The following MCTP2 variants were observed in gnomAD, a reference collection of about 807,000 sequenced individuals.
MCTP2 encodes multiple C2 and transmembrane domain-containing protein 2.
In MCTP2, 132 loss-of-function variants were observed where a neutral mutation model predicts 111.6. The ratio of observed to expected loss-of-function variants is 1.18; its 90% CI spans 1.03 to 1.37. MCTP2 has a LOEUF of 1.37. Among genes scored for constraint, MCTP2 ranks in the 40% most tolerant of loss-of-function variants. MCTP2 has a pLI of 0.00. For missense variants in MCTP2, 1,183 were observed against 1,067.9 expected (o/e 1.11, Z -1.50); for synonymous variants, 395 against 387.7 (o/e 1.02, Z -0.22).
At chr15:94,402,989 T>TG (rs1254708483) in intron 17 of MCTP2, 9 of 995,158 alleles carry the variant, frequency 9.0e-6, no homozygotes, top group East Asian at 2.1e-4. Context: ...ATATAAAAAA[T>TG]GGGGGAAAAA....
At chr15:94,318,875 C>G (rs1350113625) in intron 4 of MCTP2, among the ~76,000 whole-genome samples, 1 of 152,218 alleles carries the variant, frequency 6.6e-6, no homozygotes, top group African/African-American at 2.4e-5. Flanking sequence ...TGTCATCTCT[C>G]TCTGCAGAGT....
At chr15:94,392,693 G>A (rs2081056030) in intron 14 of MCTP2, among the ~76,000 whole-genome samples, 1 of 151,936 alleles carries the variant, frequency 6.6e-6, no homozygotes, top group African/African-American at 2.4e-5. Flanking sequence ...GCATGCGCCT[G>A]TAATCCCAGC....
intron 4 of MCTP2, among the ~76,000 whole-genome samples, chr15:94,336,721 G>C (rs952567261): frequency 6.9e-6 from 1 of 144,186 alleles, no homozygotes; most frequent in Non-Finnish European, 1.5e-5. Context: ...ATATGTATGT[G>C]TATATTTATG....
At chr15:94,465,738 TAATAGTAG>T (rs2073221963) in intron 20 of MCTP2, among the ~76,000 whole-genome samples, 1 of 152,206 alleles carries the variant, frequency 6.6e-6, no homozygotes, top group Non-Finnish European at 1.5e-5. Context: ...TGTAATTTAT[TAATAGTAG>T]TGTTTACTTG....
At chr15:94,392,615 C>G (rs1325542250) in intron 14 of MCTP2, among the ~76,000 whole-genome samples, 3 of 151,980 alleles carry the variant, frequency 2.0e-5, no homozygotes. Flanking sequence ...GAGTTCGAGA[C>G]CAGCCTGACC....
Position 94,424,520 on chromosome 15 carries a change from G to A in MCTP2, c.2086-15656G>A, listed in dbSNP as rs911530261. ...TCTGGGGATGGGACTTAGCAATCTTGTTTAAATAACGCCTCCAGGTGCTTC... is the reference window on the plus strand; with the variant it reads ...TCTGGGGATGGGACTTAGCAATCTTATTTAAATAACGCCTCCAGGTGCTTC... On this transcript the variant is annotated intron_variant, in intron 17 of 22. Transcript: ENST00000357742. Among the ~76,000 whole-genome samples, 3 of 152,114 alleles carry A rather than the reference G, an allele frequency of 2.0e-5. No individual in the cohort carries two copies. The South Asian group carries it at 6.2e-4, about 32-fold the overall frequency.
At chr15:94,243,611 A>ATATACATATATGCGTATGTGTATGTG (rs1491580099) in intron 1 of MCTP2, among the ~76,000 whole-genome samples, 3 of 149,744 alleles carry the variant, frequency 2.0e-5, no homozygotes, top group African/African-American at 7.4e-5. Context: ...GTATACACGC[A>ATATACATATATGCGTATGTGTATGTG]TATGTGTATA....
At position 94,345,174 on chromosome 15, in the gene MCTP2, CT is replaced by C. The variant is rs750309440; in HGVS notation, c.1005+18del. On this transcript the variant is annotated intron_variant, in intron 8 of 22. Transcript: ENST00000357742. Reference sequence around the variant, plus strand: ...ATTAAGTGCCAGCAAGGTAAATATACTTTTTTTTCCTTTAGATCATTTGGTT... The same window carrying C: ...ATTAAGTGCCAGCAAGGTAAATATACTTTTTTTCCTTTAGATCATTTGGTT... 343 of 1,608,456 alleles carry C rather than the reference CT, an allele frequency of 2.1e-4. No homozygotes were observed. Among genetic ancestry groups the C allele is most frequent in the South Asian group, 5.9e-4 (53 of 90,408 alleles).
intron 8 of MCTP2, among the ~76,000 whole-genome samples, chr15:94,351,807 A>G (rs2078319010): frequency 6.6e-6 from 1 of 152,140 alleles, no homozygotes; most frequent in African/African-American, 2.4e-5. Context: ...CTGGAGTGCC[A>G]CCTAGTTGAA....
chr15:94,372,813 A>T (rs1018355163), intron 12 of MCTP2, among the ~76,000 whole-genome samples: 1 of 152,182 alleles, frequency 6.6e-6, no homozygotes, highest in Non-Finnish European at 1.5e-5. Context: ...AACCAGGGAC[A>T]TTCTCTAAAG....
chr15:94,383,911 T>A, intron 12 of MCTP2, 111 bp from the exon 13 acceptor site: 1 of 751,824 alleles, frequency 1.3e-6, no homozygotes, highest in Admixed American at 2.2e-5. Flanking sequence ...GGAAAAGCAG[T>A]CTTGCCTTCC....
intron 12 of MCTP2, among the ~76,000 whole-genome samples, chr15:94,383,675 C>T (rs2080284219): frequency 6.6e-6 from 1 of 152,208 alleles, no homozygotes; most frequent in South Asian, 2.1e-4. Flanking sequence ...ACCATGAGAA[C>T]AGTATGGGGG....
chr15:94,376,166 G>A (rs1029033224), intron 12 of MCTP2, among the ~76,000 whole-genome samples: 1 of 152,180 alleles, frequency 6.6e-6, no homozygotes, highest in Non-Finnish European at 1.5e-5. Context: ...CCAGTTCACT[G>A]GTTCCTTGGC....
intron 19 of MCTP2, among the ~76,000 whole-genome samples, chr15:94,451,074 T>C (rs1319214626): frequency 6.6e-6 from 1 of 152,222 alleles, no homozygotes; most frequent in Admixed American, 6.5e-5. Context: ...TTTTTTTCTT[T>C]TTTAAAAAAG....
At chr15:94,442,768 C>T in intron 18 of MCTP2, 151 bp from the exon 19 acceptor site, 1 of 642,598 alleles carries the variant, frequency 1.6e-6, no homozygotes, top group Non-Finnish European at 2.8e-6. Flanking sequence ...TGTCCCTGAA[C>T]TTTAAAAGAG....
At chr15:94,325,419 G>T (rs1440033491) in intron 4 of MCTP2, among the ~76,000 whole-genome samples, 1 of 152,200 alleles carries the variant, frequency 6.6e-6, no homozygotes, top group African/African-American at 2.4e-5. Flanking sequence ...GAACAGGAAT[G>T]ACTTTGTGAT....
At chr15:94,316,082 G>A (rs1020280098) in intron 4 of MCTP2, among the ~76,000 whole-genome samples, 1 of 152,126 alleles carries the variant, frequency 6.6e-6, no homozygotes, top group African/African-American at 2.4e-5. Flanking sequence ...AATAGCTAGT[G>A]TCTGCCTGTG....
At chr15:94,423,586 T>C (rs1212101188) in intron 17 of MCTP2, among the ~76,000 whole-genome samples, 2 of 152,176 alleles carry the variant, frequency 1.3e-5, no homozygotes, top group African/African-American at 4.8e-5. Flanking sequence ...GAATCATACA[T>C]AGTGAGGTAC....
intron 4 of MCTP2, among the ~76,000 whole-genome samples, chr15:94,327,009 G>A (rs1440469884): frequency 3.4e-5 from 1 of 29,170 alleles, no homozygotes; most frequent in Non-Finnish European, 6.9e-5. Context: ...TCTGTTCCAT[G>A]CATCACTTGT....
Sources: allele counts gnomAD v4.1 joint callset (sites outside exome capture counted in the v4.1 genomes callset), GRCh38; gene constraint gnomAD v4.1.1; transcripts MANE v1.5; gene names NCBI Gene and HGNC (gene_info 2026-07-23, HGNC 2026-07-21).